Variants in KCNK17 observed in about 807,000 individuals in gnomAD.
KCNK17 encodes potassium two pore domain channel subfamily K member 17.
KCNK17 carries 27 observed loss-of-function variants against 24.6 expected under a neutral mutation model. That is an observed-to-expected ratio of 1.10 (90% confidence interval 0.81 to 1.51). The LOEUF (loss-of-function observed/expected upper bound fraction) is 1.51. Among genes scored for constraint, KCNK17 ranks in the 40% most tolerant of loss-of-function variants. The probability of loss-of-function intolerance (pLI) is 0.00; values close to 1 mark genes in which losing one functional copy is unlikely to be tolerated. For missense variants in KCNK17, 450 were observed against 436.6 expected, an observed-to-expected ratio of 1.03 and a Z score of -0.27; for synonymous variants, 181 against 189.8, an observed-to-expected ratio of 0.95 and a Z score of 0.38.
chr6:39,304,775 C>T (rs770070091), intron 2 of KCNK17, 120 bp from the exon 3 acceptor site: 56 of 1,066,406 alleles, frequency 5.3e-5, no homozygotes, highest in Non-Finnish European at 7.5e-5. Flanking sequence ...TAGATGTGGG[C>T]AGCTGATACT....
intron 2 of KCNK17, among the ~76,000 whole-genome samples, chr6:39,310,553 C>T (rs1454568700): frequency 6.6e-6 from 1 of 152,168 alleles, no homozygotes; most frequent in Non-Finnish European, 1.5e-5. Flanking sequence ...GCTGAGGAGA[C>T]TGGCATCCTT....
intron 4 of KCNK17, among the ~76,000 whole-genome samples, chr6:39,301,876 A>T (rs912333698): frequency 1.3e-5 from 2 of 152,228 alleles, no homozygotes; most frequent in Non-Finnish European, 2.9e-5. Context: ...ATCCCCATCC[A>T]AGAAAGGGGT....
Position 39,299,692 on chromosome 6 carries a change from A to C in KCNK17, c.734T>G (p.Val245Gly). ...QRYPLWYKNM[V>G]SLWILFGMAW... ...CATCCCAAAGAGGATCCACAGGGACACCATGTTCTTGTACCACAGTGGGTA... is the reference window on the plus strand; with the variant it reads ...CATCCCAAAGAGGATCCACAGGGACCCCATGTTCTTGTACCACAGTGGGTA... The change falls in exon 5 of 5, where the codon GTG becomes GGG. Residue 245 changes from valine (V) to glycine (G), a missense_variant. Val to Gly is a moderately radical substitution (Grantham distance 109). Coordinates refer to ENST00000373231, the MANE Select transcript of KCNK17 (RefSeq NM_031460.4). 1 of 1,614,160 alleles carries C rather than the reference A, an allele frequency of 6.2e-7. No homozygotes were observed. Among genetic ancestry groups the C allele is most frequent in the Non-Finnish European group, 8.5e-7 (1 of 1,180,024 alleles).
rs1310423326 is a variant in KCNK17 at position 39,304,503 on chromosome 6, TG to T, written c.504del (p.Thr169ProfsTer60). 1 of 1,611,928 alleles carries T rather than the reference TG, an allele frequency of 6.2e-7. No homozygotes were observed. The highest frequency in any genetic ancestry group is 1.7e-5 in the Admixed American group (1 of 59,918). On this transcript the variant is annotated frameshift_variant, in exon 3 of 5. Transcript: ENST00000373231. LOFTEE classifies it high-confidence loss of function. The stretch of plus-strand genomic sequence containing the variant: ...TCCAGCAGCCCCCTCACCTGCCAGG[TG>T]CCCCCCAGCCTGCTGGCCCAGTGGT... ...GVNHWASRLG[G>X]TWQDPDKARW...
At chr6:39,312,463 A>G (rs1294578010) in intron 1 of KCNK17, among the ~76,000 whole-genome samples, 1 of 152,194 alleles carries the variant, frequency 6.6e-6, no homozygotes, top group Non-Finnish European at 1.5e-5. Context: ...CCACAGGTCC[A>G]CACTGAGGCA....
Position 39,304,067 on chromosome 6 carries a change from A to G in KCNK17, c.578T>C (p.Leu193Pro), listed in dbSNP as rs371407316. Residue 193 changes from leucine (L) to proline (P), a missense_variant, in exon 4 of 5, where the codon CTG becomes CCG. Transcript: ENST00000373231. ...GGAGAAGAGCAGCGGTGGCAGCAGC[A>G]GGAAGAGCAGGAGGCCCGAGAGGAG... The part of the protein sequence containing the change: ...GALLSGLLLF[L>P]LLPPLLFSHM... 21 of 1,613,142 alleles carry G rather than the reference A, an allele frequency of 1.3e-5. No homozygotes were observed. Among genetic ancestry groups the G allele is most frequent in the Admixed American group, 1.0e-4 (6 of 60,004 alleles).
At chr6:39,311,900 T>C (rs1292695817) in intron 1 of KCNK17, among the ~76,000 whole-genome samples, 1 of 152,198 alleles carries the variant, frequency 6.6e-6, no homozygotes, top group East Asian at 1.9e-4. Flanking sequence ...CAAGCTGTGC[T>C]TGGCTTTGCC....
intron 4 of KCNK17, among the ~76,000 whole-genome samples, chr6:39,300,879 C>T (rs1761941715): frequency 6.6e-6 from 1 of 152,220 alleles, no homozygotes; most frequent in African/African-American, 2.4e-5. Context: ...ACATCACTCC[C>T]TACAGACCAC....
intron 2 of KCNK17, 25 bp from the exon 3 acceptor site, chr6:39,304,680 G>T (rs199729057): frequency 1.0e-4 from 162 of 1,601,294 alleles, no homozygotes; most frequent in Admixed American, 1.2e-4. Flanking sequence ...GGCACTCAGG[G>T]GACATTTCCA....
rs916119306 is a variant in KCNK17 at position 39,308,364 on chromosome 6, C to G, written c.352+2529G>C. 3.3e-5 allele frequency among the ~76,000 whole-genome samples: 5 copies of G among 152,254 alleles called. No individual in the cohort carries two copies. The East Asian group carries it at 9.6e-4, about 29-fold the overall frequency. On this transcript the variant is annotated intron_variant, in intron 2 of 4. Transcript: ENST00000373231. ...GAAGTGCAGTGGCACAATCTCGGCTCACTGCAACCTCCGCCTCCCAGGCTC... is the reference window on the plus strand; with the variant it reads ...GAAGTGCAGTGGCACAATCTCGGCTGACTGCAACCTCCGCCTCCCAGGCTC...
chr6:39,301,877 A>G (rs1761957508), intron 4 of KCNK17, among the ~76,000 whole-genome samples: 1 of 152,220 alleles, frequency 6.6e-6, no homozygotes, highest in Non-Finnish European at 1.5e-5. Flanking sequence ...TCCCCATCCA[A>G]GAAAGGGGTT....
In KCNK17 at chr6:39,310,931, C is replaced by A; in HGVS notation, c.314G>T (p.Gly105Val). ...GGTGGACACAGAAAAGAAGAAGGAGCCCACGAGCTCCCAGCGCCCCATGCT... is the reference window on the plus strand; with the variant it reads ...GGTGGACACAGAAAAGAAGAAGGAGACCACGAGCTCCCAGCGCCCCATGCT... ...TTSMGRWELV[G>V]SFFFSVSTIT... is the part of the protein sequence containing the mutation. Residue 105 changes from glycine (G) to valine (V), a missense_variant, in exon 2 of 5, where the codon GGC (glycine) becomes GTC (valine). Transcript: ENST00000373231. The A allele has an allele frequency of 6.2e-7, 1 of 1,607,908 alleles. No homozygotes were observed. The highest frequency in any genetic ancestry group is 8.5e-7 in the Non-Finnish European group (1 of 1,175,444).
intron 2 of KCNK17, among the ~76,000 whole-genome samples, chr6:39,307,446 C>G: frequency 6.6e-6 from 1 of 152,120 alleles, no homozygotes; most frequent in Middle Eastern, 3.2e-3. Context: ...CCACCCACCT[C>G]TCTGCCTGCC....
At position 39,308,543 on chromosome 6, in the gene KCNK17, G is replaced by A. The variant is rs140646863; in HGVS notation, c.352+2350C>T. On this transcript the variant is annotated intron_variant, in intron 2 of 4. Coordinates refer to ENST00000373231, the MANE Select transcript of KCNK17 (RefSeq NM_031460.4). ...TGGCCTCATGTGATCCACCTGCCTCGGCCTCCCAAAATGCTGGGATTATAG... is the reference window on the plus strand; with the variant it reads ...TGGCCTCATGTGATCCACCTGCCTCAGCCTCCCAAAATGCTGGGATTATAG... Among the ~76,000 whole-genome samples, 61 of 152,258 alleles carry A rather than the reference G, an allele frequency of 4.0e-4. No homozygotes were observed. In the East Asian group the frequency reaches 9.5e-3, roughly 24 times the overall value.
chr6:39,311,096 ACACACAC>A lies in KCNK17; in HGVS notation c.238-96_238-90del, dbSNP rs1210339045. The A allele has an allele frequency of 5.3e-6, 3 of 563,348 alleles. No individual in the cohort carries two copies. In the African/African-American group the frequency reaches 8.2e-5, roughly 15 times the overall value. 34.9% of individuals were successfully genotyped at this position (563,348 alleles called of 1,614,324 possible). ...TGCACACACACACACACACACACAC[ACACACAC>A]ACACACACACACACACAAACAAACC... On this transcript the variant is annotated intron_variant, in intron 1 of 4. Coordinates refer to ENST00000373231, the MANE Select transcript of KCNK17 (RefSeq NM_031460.4).
chr6:39,308,010 G>A (rs934831951), intron 2 of KCNK17, among the ~76,000 whole-genome samples: 6 of 152,226 alleles, frequency 3.9e-5, no homozygotes, highest in East Asian at 1.9e-4. Context: ...CAATGTTACT[G>A]TATCAGCTTC....
At position 39,304,640 on chromosome 6, in the gene KCNK17, C is replaced by T; in HGVS notation, c.368G>A (p.Ser123Asn). Reference protein sequence around the residue: ...TITTIGYGNLSPNTMAARLFC... With the variant: ...TITTIGYGNLNPNTMAARLFC... ...GAGGCGGGCAGCCATCGTGTTGGGG[C>T]TCAGGTTGCCATAGCCTGAGGTGAG... Residue 123 changes from serine to asparagine, a missense_variant, in exon 3 of 5, where the codon AGC becomes AAC. Transcript: ENST00000373231. 3.1e-6 allele frequency: 5 copies of T among 1,612,362 alleles called. No homozygotes were observed. Among genetic ancestry groups the T allele is most frequent in the Non-Finnish European group, 4.2e-6 (5 of 1,178,536 alleles).
chr6:39,303,735 T>C (rs1761983264), intron 4 of KCNK17, among the ~76,000 whole-genome samples: 1 of 151,960 alleles, frequency 6.6e-6, no homozygotes, highest in Non-Finnish European at 1.5e-5. Context: ...GCACAATAGG[T>C]GGGCCCGCGG....
At chr6:39,309,338 G>T (rs867760838) in intron 2 of KCNK17, among the ~76,000 whole-genome samples, 4 of 152,192 alleles carry the variant, frequency 2.6e-5, no homozygotes, top group South Asian at 2.1e-4. Flanking sequence ...AAGAAAGAAA[G>T]AAAATAATAA....
Sources: allele counts gnomAD v4.1 joint callset (sites outside exome capture counted in the v4.1 genomes callset), GRCh38; gene constraint gnomAD v4.1.1; transcripts MANE v1.5; gene names NCBI Gene and HGNC (gene_info 2026-07-23, HGNC 2026-07-21).